Variants in SGCD observed in about 807,000 individuals in gnomAD.
The protein encoded by SGCD is delta-sarcoglycan.
Under a neutral mutation model 36.6 loss-of-function variants are expected in SGCD, and 18 were observed. The observed-to-expected ratio is 0.49, with a 90% confidence interval of 0.34 to 0.73. SGCD has a LOEUF of 0.73. SGCD is among the 30% of genes least tolerant of loss of function. The probability of loss-of-function intolerance (pLI) is 0.01; values close to 1 mark genes in which losing one functional copy is unlikely to be tolerated. For missense variants in SGCD, 387 were observed against 346.7 expected (o/e 1.12, Z -0.92); for synonymous variants, 133 against 130.6 (o/e 1.02, Z -0.12).
chr5:155,881,323 T>TAAAGAAAG (rs1554101946), intron 1 of SGCD, among the ~76,000 whole-genome samples: 1 of 151,400 alleles, frequency 6.6e-6, no homozygotes, highest in African/African-American at 2.4e-5. Context: ...AATAAATAAA[T>TAAAGAAAG]AAAGAATATA....
At chr5:156,679,312 A>G (rs1417467044) in intron 7 of SGCD, among the ~76,000 whole-genome samples, 1 of 152,250 alleles carries the variant, frequency 6.6e-6, no homozygotes, top group Non-Finnish European at 1.5e-5. Context: ...TGTTTAAATT[A>G]GAAAAGGATA....
the SGCD span, among the ~76,000 whole-genome samples, chr5:155,862,457 G>A: frequency 2.4e-4 from 37 of 152,042 alleles, no homozygotes; most frequent in Non-Finnish European, 4.1e-4. Context: ...CTCCTAAGTA[G>A]CTCAGACTAC....
intron 1 of SGCD, among the ~76,000 whole-genome samples, chr5:155,895,714 A>G (rs1214335662): frequency 6.6e-6 from 1 of 151,862 alleles, no homozygotes; most frequent in African/African-American, 2.4e-5. Context: ...TGAAGAACAC[A>G]TTTAAATGTC....
chr5:156,098,457 T>C (rs1398870411), intron 1 of SGCD, among the ~76,000 whole-genome samples: 5 of 152,340 alleles, frequency 3.3e-5, no homozygotes, highest in African/African-American at 9.6e-5. Flanking sequence ...TTCTCTGCAA[T>C]GCTGGTGCTT....
At chr5:156,273,973 C>T (rs1215616318) in intron 3 of SGCD, among the ~76,000 whole-genome samples, 9 of 152,172 alleles carry the variant, frequency 5.9e-5, no homozygotes, top group Admixed American at 2.6e-4. Context: ...AATCATGTCA[C>T]GCTGGAATAC....
chr5:155,975,589 T>C (rs1226842444), intron 1 of SGCD, among the ~76,000 whole-genome samples: 2 of 149,936 alleles, frequency 1.3e-5, no homozygotes, highest in African/African-American at 4.9e-5. Context: ...AATCATGTGT[T>C]ATTTATTTTT....
At chr5:156,139,941 G>A (rs1762538890) in intron 3 of SGCD, among the ~76,000 whole-genome samples, 1 of 152,150 alleles carries the variant, frequency 6.6e-6, no homozygotes, top group Admixed American at 6.5e-5. Context: ...TGAAGGAAGT[G>A]CTCTCTGTCA....
chr5:156,050,646 AAAC>A (rs1759893092), intron 1 of SGCD, among the ~76,000 whole-genome samples: 1 of 146,578 alleles, frequency 6.8e-6, no homozygotes, highest in Non-Finnish European at 1.5e-5. Context: ...CAGTGGCTTA[AAAC>A]AACATATATT....
intron 1 of SGCD, among the ~76,000 whole-genome samples, chr5:155,905,991 T>C (rs1756502331): frequency 1.3e-5 from 2 of 152,122 alleles, no homozygotes; most frequent in Admixed American, 6.6e-5. Flanking sequence ...AAATTGAAGC[T>C]TTTCAGCAAC....
intron 7 of SGCD, among the ~76,000 whole-genome samples, chr5:156,711,201 G>T (rs1218800880): frequency 2.0e-5 from 3 of 152,104 alleles, no homozygotes; most frequent in African/African-American, 7.2e-5. Flanking sequence ...GGTCAAGAGG[G>T]GGGGTCCATT....
At chr5:156,178,001 T>A (rs964394191) in intron 3 of SGCD, among the ~76,000 whole-genome samples, 3 of 152,236 alleles carry the variant, frequency 2.0e-5, no homozygotes, top group Admixed American at 6.5e-5. Context: ...AACATAATAG[T>A]TAAGCCTAAT....
intron 2 of SGCD, among the ~76,000 whole-genome samples, chr5:156,331,109 T>G (rs1768049326): frequency 6.6e-6 from 1 of 152,184 alleles, no homozygotes; most frequent in African/African-American, 2.4e-5. Context: ...TAGAGCAAGG[T>G]AAAACAAAGA....
chr5:156,734,061 T>C (rs1388156841), intron 7 of SGCD, among the ~76,000 whole-genome samples: 1 of 152,188 alleles, frequency 6.6e-6, no homozygotes, highest in Non-Finnish European at 1.5e-5. Flanking sequence ...TTTTCCATAT[T>C]TAGTGCTTCT....
At chr5:156,617,835 C>G (rs1057244674) in intron 6 of SGCD, among the ~76,000 whole-genome samples, 6 of 151,554 alleles carry the variant, frequency 4.0e-5, no homozygotes, top group African/African-American at 1.5e-4. Flanking sequence ...GTCCAGGGCC[C>G]TATCCCATGT....
chr5:155,892,141 T>C (rs1756146393), intron 1 of SGCD, among the ~76,000 whole-genome samples: 1 of 152,006 alleles, frequency 6.6e-6, no homozygotes, highest in South Asian at 2.1e-4. Context: ...ACTTTGAAGC[T>C]TATAAGGATC....
chr5:156,564,029 C>G (rs1333118122), intron 4 of SGCD, among the ~76,000 whole-genome samples: 1 of 152,198 alleles, frequency 6.6e-6, no homozygotes, highest in Non-Finnish European at 1.5e-5. Flanking sequence ...AGCTGTTTAC[C>G]CTTTTGGGAA....
intron 1 of SGCD, among the ~76,000 whole-genome samples, chr5:156,011,392 G>A (rs532750313): frequency 5.5e-4 from 83 of 151,908 alleles, no homozygotes; most frequent in African/African-American, 1.9e-3. Flanking sequence ...TACAGGTTGG[G>A]TTTTCTAGAC....
rs975902880 is a variant in SGCD at position 156,016,520 on chromosome 5, C to T, written c.-281-101358C>T. Among the ~76,000 whole-genome samples the T allele has an allele frequency of 2.6e-5, 4 of 152,114 alleles. 1 individual carries two copies. Among genetic ancestry groups the T allele is most frequent in the Non-Finnish European group, 4.4e-5 (3 of 67,984 alleles). On this transcript the variant is annotated intron_variant, in intron 1 of 9. Transcript: ENST00000517913. ...TCTTTTCCAACCTGTAGCCCTGCTC[C>T]ACCCCTTTATAGATAACAAATTTTG...
At chr5:156,694,813 T>A (rs1754245074) in intron 7 of SGCD, among the ~76,000 whole-genome samples, 1 of 152,146 alleles carries the variant, frequency 6.6e-6, no homozygotes, top group African/African-American at 2.4e-5. Flanking sequence ...TGTGTCATCT[T>A]TATGCCAGCT....
Sources: gnomAD v4.1 joint callset for allele counts (sites outside exome capture counted in the v4.1 genomes callset) on GRCh38, gnomAD v4.1.1 for gene constraint, MANE v1.5 for transcripts, NCBI Gene and HGNC (gene_info 2026-07-23, HGNC 2026-07-21) for gene names.